ARID1B: variants seen among roughly 807,000 people sequenced by gnomAD.
ARID1B encodes the protein AT-rich interactive domain-containing protein 1B.
ARID1B carries 30 observed loss-of-function variants against 212.3 expected under a neutral mutation model. The ratio of observed to expected loss-of-function variants is 0.14; its 90% CI spans 0.11 to 0.19. The LOEUF (loss-of-function observed/expected upper bound fraction) is 0.19, where lower values mean the gene tolerates loss of function less well. ARID1B is among the 10% of genes least tolerant of loss of function. The pLI is 1.00. For missense variants in ARID1B, 2,891 were observed against 3,204.0 expected (o/e 0.90, Z 2.36); for synonymous variants, 1,402 against 1,301.7 (o/e 1.08, Z -1.66).
chr6:157,146,356 A>AC (rs1278915428), intron 7 of ARID1B, among the ~76,000 whole-genome samples: 5 of 151,924 alleles, frequency 3.3e-5, no homozygotes, highest in Non-Finnish European at 7.4e-5. Flanking sequence ...GATGCAAGCA[A>AC]CTCCCCTAAG....
intron 2 of ARID1B, among the ~76,000 whole-genome samples, chr6:156,831,509 T>C (rs962460441): frequency 6.6e-6 from 1 of 152,252 alleles, no homozygotes; most frequent in Non-Finnish European, 1.5e-5. Context: ...GTTGGCTTAG[T>C]TTCCAGTCCC....
At chr6:156,988,627 C>T (rs1183210514) in intron 4 of ARID1B, among the ~76,000 whole-genome samples, 1 of 152,182 alleles carries the variant, frequency 6.6e-6, no homozygotes, top group Non-Finnish European at 1.5e-5. Flanking sequence ...CATCTCATTT[C>T]CTGTTTGTCT....
intron 7 of ARID1B, among the ~76,000 whole-genome samples, chr6:157,136,279 C>G (rs987820426): frequency 2.6e-5 from 4 of 152,170 alleles, no homozygotes; most frequent in African/African-American, 9.7e-5. Flanking sequence ...ACGGGAAGCC[C>G]TCTGAGGCTG....
At chr6:156,836,706 C>G (rs1400128439) in intron 2 of ARID1B, among the ~76,000 whole-genome samples, 2 of 152,004 alleles carry the variant, frequency 1.3e-5, no homozygotes, top group African/African-American at 2.4e-5. Flanking sequence ...GCTGTGTCAC[C>G]CAGGATGGAG....
At position 157,206,010 on chromosome 6, in the gene ARID1B, G is replaced by A; in HGVS notation, c.5395-157G>A. On this transcript the variant is annotated intron_variant, in intron 19 of 19. Coordinates refer to ENST00000636930, the MANE Select transcript of ARID1B (RefSeq NM_001374828.1). The surrounding 1 kb of genome is among the most constrained non-coding windows in gnomAD (Gnocchi z 6.8). Reference sequence around the variant, plus strand: ...TCAGGAAGTTCGCTGGACCTGAAGGGTAGTTTATCTTTCATGGTCCAGCCA... The same window carrying A: ...TCAGGAAGTTCGCTGGACCTGAAGGATAGTTTATCTTTCATGGTCCAGCCA... The A allele has an allele frequency of 3.8e-6, 3 of 789,758 alleles. No homozygotes were observed. The highest frequency in any genetic ancestry group is 3.4e-5 in the African/African-American group (2 of 58,210). 48.9% of individuals were successfully genotyped at this position (789,758 alleles called of 1,614,324 possible).
At chr6:156,832,698 A>G (rs1043040105) in intron 2 of ARID1B, among the ~76,000 whole-genome samples, 2 of 152,146 alleles carry the variant, frequency 1.3e-5, no homozygotes, top group African/African-American at 4.8e-5. Flanking sequence ...ATTTTGTTAG[A>G]AAGAACTGCA....
chr6:156,869,833 A>G lies in ARID1B; in HGVS notation c.1987-31543A>G, dbSNP rs78161706. Among the ~76,000 whole-genome samples, 254 of 152,388 alleles carry G rather than the reference A, an allele frequency of 1.7e-3. 3 individuals are homozygous for G. The East Asian group carries it at 0.044, about 26-fold the overall frequency. On this transcript the variant is annotated intron_variant, in intron 2 of 19. Transcript: ENST00000636930. ...GGAAAAATCGGTTCTGAGAGCAAGT[A>G]GTAAAATCACACTTAACAACTTCAG...
rs895176367 is a variant in ARID1B at position 157,080,184 on chromosome 6, C to T, written c.2248-4478C>T. On this transcript the variant is annotated intron_variant, in intron 4 of 19. Transcript: ENST00000636930. ...GCAGTGCTTGGCAGCTTTCTATGAG[C>T]GGCTGATCTAATACCATCAGCTAAT... 5.9e-5 allele frequency among the ~76,000 whole-genome samples: 9 copies of T among 152,270 alleles called. No individual in the cohort carries two copies. In the South Asian group the frequency reaches 6.2e-4, roughly 11 times the overall value.
intron 4 of ARID1B, among the ~76,000 whole-genome samples, chr6:157,043,671 C>T (rs1782033495): frequency 6.6e-6 from 1 of 152,166 alleles, no homozygotes; most frequent in African/African-American, 2.4e-5. Context: ...TAACATATCA[C>T]TACTGTGTTC....
chr6:157,059,505 A>G (rs1783206121), intron 4 of ARID1B, among the ~76,000 whole-genome samples: 1 of 152,240 alleles, frequency 6.6e-6, no homozygotes. Flanking sequence ...ATCTATTGGT[A>G]AGTCAAATAA....
intron 3 of ARID1B, among the ~76,000 whole-genome samples, chr6:156,921,441 ACACACAC>A (rs1261580033): frequency 0.067 from 29 of 436 alleles, no homozygotes; most frequent in East Asian, 0.25. Flanking sequence ...ATGGGAAAAC[ACACACAC>A]ACACACACAC....
At chr6:156,946,522 C>A (rs1793163645) in intron 4 of ARID1B, among the ~76,000 whole-genome samples, 1 of 152,198 alleles carries the variant, frequency 6.6e-6, no homozygotes, top group Non-Finnish European at 1.5e-5. Context: ...TTTCGAAAGT[C>A]TAGAGCTTTC....
At chr6:157,145,215 T>G (rs1026241305) in intron 7 of ARID1B, among the ~76,000 whole-genome samples, 1 of 152,150 alleles carries the variant, frequency 6.6e-6, no homozygotes, top group African/African-American at 2.4e-5. Flanking sequence ...TGTAGCAGTT[T>G]ATTAGCTTGT....
intron 4 of ARID1B, among the ~76,000 whole-genome samples, chr6:157,063,996 G>C (rs911954354): frequency 1.3e-5 from 2 of 152,168 alleles, no homozygotes; most frequent in African/African-American, 4.8e-5. Flanking sequence ...CAGTCTGTGA[G>C]GGGGGCATCA....
In ARID1B at chr6:157,206,426, G is replaced by A. The variant is rs908000630; in HGVS notation, c.5654G>A (p.Ser1885Asn). The A allele has an allele frequency of 8.1e-6, 13 of 1,614,058 alleles. No homozygotes were observed. Among genetic ancestry groups the A allele is most frequent in the African/African-American group, 2.7e-5 (2 of 74,916 alleles). ...AAGACAGAAAGCGATGAAAAGAGCA[G>A]CATCGCTCTGACTGCCCCGGACGCC... ...SEKTESDEKS[S>N]IALTAPDAAA... The change falls in exon 20 of 20, where the codon AGC becomes AAC. Residue 1885 changes from serine (S) to asparagine (N), a missense_variant. Ser to Asn is a conservative substitution (Grantham distance 46). Around this residue, in one of 7 missense-constraint regions of ARID1B, gnomAD observed 332 missense variants for 369.2 expected, o/e 0.90. Coordinates refer to ENST00000636930, the MANE Select transcript of ARID1B (RefSeq NM_001374828.1). This position sits in a 1 kb window ranked among gnomAD's most constrained non-coding sequence, Gnocchi z 6.8.
At chr6:157,046,575 G>A (rs183238543) in intron 4 of ARID1B, among the ~76,000 whole-genome samples, 23 of 152,214 alleles carry the variant, frequency 1.5e-4, no homozygotes, top group Non-Finnish European at 2.9e-4. Flanking sequence ...TGTATTCATT[G>A]GAAGTACAAG....
intron 6 of ARID1B, among the ~76,000 whole-genome samples, chr6:157,124,697 A>G (rs1788017585): frequency 6.6e-6 from 1 of 152,154 alleles, no homozygotes; most frequent in Non-Finnish European, 1.5e-5. Flanking sequence ...GAAAATGTAG[A>G]GTGTATGTGA....
chr6:156,942,144 G>A (rs997477632), intron 4 of ARID1B: 2 of 152,148 alleles, frequency 1.3e-5, no homozygotes, highest in African/African-American at 2.4e-5. Context: ...TAATGAAGGA[G>A]TATGAAGGAG....
chr6:157,008,421 G>C (rs1334775565), intron 4 of ARID1B, among the ~76,000 whole-genome samples: 1 of 152,094 alleles, frequency 6.6e-6, no homozygotes, highest in African/African-American at 2.4e-5. Flanking sequence ...CCTCCATGCT[G>C]CTAAGTATTA....
Sources: allele counts gnomAD v4.1 joint callset (sites outside exome capture counted in the v4.1 genomes callset), GRCh38; gene constraint gnomAD v4.1.1; regional missense constraint gnomAD v4.1.1; non-coding constraint Gnocchi (gnomAD v3.1); transcripts MANE v1.5; gene names NCBI Gene and HGNC (gene_info 2026-07-23, HGNC 2026-07-21).